The following GPC4 variants were observed in gnomAD, a reference collection of about 807,000 sequenced individuals.
GPC4 encodes the protein glypican 4.
Under a neutral mutation model 35.0 loss-of-function variants are expected in GPC4, and 10 were observed. The observed-to-expected ratio is 0.29, with a 90% CI of 0.18 to 0.48. GPC4 has a LOEUF of 0.48. Ranked by LOEUF, GPC4 falls within the 20% of genes least tolerant of loss-of-function variation. The pLI is 0.99. For missense variants in GPC4, 322 were observed against 451.3 expected, an observed-to-expected ratio of 0.71 and a Z score of 2.60; for synonymous variants, 167 against 170.2, an observed-to-expected ratio of 0.98 and a Z score of 0.15.
chrX:133,389,432 A>G (rs1904976122), intron 1 of GPC4, among the ~76,000 whole-genome samples: 1 of 112,045 alleles, frequency 8.9e-6, no homozygotes. Flanking sequence ...TCATTCATTC[A>G]TGGCAAAATG....
At chrX:133,356,543 C>T (rs1041891306) in intron 1 of GPC4, among the ~76,000 whole-genome samples, 13 of 111,479 alleles carry the variant, frequency 1.2e-4, no homozygotes, top group African/African-American at 4.3e-4. Flanking sequence ...CCACACCTGG[C>T]AGTGAATTCT....
At chrX:133,368,340 C>T (rs752654482) in intron 1 of GPC4, among the ~76,000 whole-genome samples, 2 of 111,448 alleles carry the variant, frequency 1.8e-5, no homozygotes, top group Non-Finnish European at 3.8e-5. Context: ...GCCCAAGACA[C>T]CTTGGAGGCA....
At chrX:133,408,739 T>TA (rs1000128392) in intron 1 of GPC4, among the ~76,000 whole-genome samples, 6 of 106,527 alleles carry the variant, frequency 5.6e-5, no homozygotes, top group East Asian at 3.0e-4. Context: ...TTTCAAAAAA[T>TA]AAAAAAAAAT....
At chrX:133,328,997 G>A (rs1330629024) in intron 2 of GPC4, among the ~76,000 whole-genome samples, 3 of 111,790 alleles carry the variant, frequency 2.7e-5, no homozygotes, top group African/African-American at 9.7e-5. Context: ...TCAGTTTGAA[G>A]GCTTAAGTAT....
At chrX:133,319,663 T>A (rs186280306) in intron 3 of GPC4, among the ~76,000 whole-genome samples, 17 of 109,988 alleles carry the variant, frequency 1.5e-4, no homozygotes, top group African/African-American at 5.6e-4. Flanking sequence ...ACTGTGCTTC[T>A]TGGGCAGGAG....
chrX:133,367,463 AT>A (rs1413133869), intron 1 of GPC4, among the ~76,000 whole-genome samples: 3 of 112,539 alleles, frequency 2.7e-5, no homozygotes, highest in Non-Finnish European at 3.7e-5. Flanking sequence ...ATTTTAAATC[AT>A]TTTTAATTAG....
At chrX:133,402,678 C>G (rs2068771124) in intron 1 of GPC4, among the ~76,000 whole-genome samples, 1 of 111,278 alleles carries the variant, frequency 9.0e-6, no homozygotes, top group African/African-American at 3.3e-5. Context: ...CCGAGGCAGG[C>G]AGATCACCTG....
chrX:133,412,424 G>T (rs2068816987), intron 1 of GPC4, among the ~76,000 whole-genome samples: 1 of 111,706 alleles, frequency 9.0e-6, no homozygotes, highest in African/African-American at 3.3e-5. Context: ...ATGCATTTTT[G>T]TTATTGTTGA....
intron 2 of GPC4, among the ~76,000 whole-genome samples, chrX:133,327,461 T>TTCCTCC (rs1361362127): frequency 9.0e-6 from 1 of 111,318 alleles, no homozygotes; most frequent in Non-Finnish European, 1.9e-5. Context: ...AATCTTGGAG[T>TTCCTCC]TCCTCATTCA....
At chrX:133,393,113 T>C (rs187240223) in intron 1 of GPC4, among the ~76,000 whole-genome samples, 1 of 111,929 alleles carries the variant, frequency 8.9e-6, no homozygotes, top group East Asian at 2.8e-4. Flanking sequence ...TGTAAAAAAG[T>C]GGGAGAGGAG....
At chrX:133,340,856 G>A (rs1305668944) in intron 1 of GPC4, among the ~76,000 whole-genome samples, 1 of 111,914 alleles carries the variant, frequency 8.9e-6, no homozygotes, top group East Asian at 2.8e-4. Context: ...CAAAAAAGGG[G>A]AGTATGCAGC....
intron 3 of GPC4, among the ~76,000 whole-genome samples, chrX:133,315,893 T>A (rs1038318955): frequency 1.8e-5 from 2 of 111,551 alleles, no homozygotes; most frequent in African/African-American, 6.5e-5. Context: ...GACTACTTTT[T>A]ACGAAAGTCA....
In GPC4 at chrX:133,302,506, T is replaced by C. The variant is rs2068271040; in HGVS notation, c.*361A>G. 1 of 145,426 alleles carries C rather than the reference T, an allele frequency of 6.9e-6. No individual in the cohort carries two copies. Among genetic ancestry groups the C allele is most frequent in the Non-Finnish European group, 1.3e-5 (1 of 75,929 alleles). 12.0% of individuals were successfully genotyped at this position (145,426 alleles called of 1,213,427 possible). On this transcript the variant is annotated 3_prime_UTR_variant, in exon 9 of 9. Transcript: ENST00000370828. The stretch of plus-strand genomic sequence containing the variant: ...CCAAGAAGGGACCCTGGTTTGCTTG[T>C]AAGAAACAAGGCGAGATCACAGTTG...
At chrX:133,332,791 C>G (rs2068426528) in intron 2 of GPC4, among the ~76,000 whole-genome samples, 1 of 112,356 alleles carries the variant, frequency 8.9e-6, no homozygotes, top group East Asian at 2.8e-4. Context: ...TTCCAATTTC[C>G]TACCACTAGA....
At chrX:133,366,806 G>T (rs2068591959) in intron 1 of GPC4, among the ~76,000 whole-genome samples, 1 of 111,585 alleles carries the variant, frequency 9.0e-6, no homozygotes, top group South Asian at 3.8e-4. Flanking sequence ...CTTACAGAGT[G>T]GCAGATGGAA....
At chrX:133,332,633 A>C (rs1456115653) in intron 2 of GPC4, among the ~76,000 whole-genome samples, 1 of 111,839 alleles carries the variant, frequency 8.9e-6, no homozygotes, top group Non-Finnish European at 1.9e-5. Context: ...TCCTGACCTC[A>C]AGTGATCCAC....
At chrX:133,311,713 C>T (rs1302298794) in intron 3 of GPC4, among the ~76,000 whole-genome samples, 1 of 110,384 alleles carries the variant, frequency 9.1e-6, no homozygotes, top group Non-Finnish European at 1.9e-5. Context: ...CTCTCTCACA[C>T]ACACATAAAT....
intron 1 of GPC4, among the ~76,000 whole-genome samples, chrX:133,385,756 C>G (rs1311698098): frequency 8.9e-6 from 1 of 111,828 alleles, no homozygotes; most frequent in Non-Finnish European, 1.9e-5. Flanking sequence ...CATCTAATTG[C>G]TGAGCTTTTA....
intron 1 of GPC4, among the ~76,000 whole-genome samples, chrX:133,359,550 T>C (rs896612205): frequency 1.8e-5 from 2 of 111,927 alleles, no homozygotes; most frequent in African/African-American, 6.5e-5. Context: ...AGTAAGAGGC[T>C]CTTTTGCTCT....
Sources: gnomAD v4.1 joint callset for allele counts (sites outside exome capture counted in the v4.1 genomes callset) on GRCh38, gnomAD v4.1.1 for gene constraint, MANE v1.5 for transcripts, NCBI Gene and HGNC (gene_info 2026-07-23, HGNC 2026-07-21) for gene names.